The following TSPAN9 variants were observed in gnomAD, a reference collection of about 807,000 sequenced individuals.
TSPAN9 encodes tetraspanin-9.
A neutral mutation model predicts 31.0 loss-of-function variants in TSPAN9; 16 were observed. The ratio of observed to expected loss-of-function variants is 0.52; its 90% CI spans 0.35 to 0.78. The LOEUF is 0.78. TSPAN9 is among the 30% of genes least tolerant of loss of function. The pLI, the probability that TSPAN9 is intolerant of heterozygous loss-of-function variation, is 0.01. For missense variants in TSPAN9, 272 were observed against 312.5 expected (o/e 0.87, Z 0.98); for synonymous variants, 145 against 121.6 (o/e 1.19, Z -1.27).
chr12:3,284,146 A>T lies in TSPAN9; in HGVS notation c.*1030A>T, dbSNP rs1178538707. The stretch of plus-strand genomic sequence containing the variant: ...CACGCGAGGCTTCCCCTTCCACCCC[A>T]TGTGGGTATTCCCACAACAGGTTCT... On this transcript the variant is annotated 3_prime_UTR_variant, in exon 9 of 9. Coordinates refer to ENST00000011898, the MANE Select transcript of TSPAN9 (RefSeq NM_006675.5). 6.5e-6 allele frequency: 1 copy of T among 152,684 alleles called. No homozygotes were observed. Among genetic ancestry groups the T allele is most frequent in the Admixed American group, 6.5e-5 (1 of 15,288 alleles). The allele number at this position is 152,684 out of a possible 1,614,324, so 9.5% of individuals were successfully genotyped here.
chr12:3,093,645 G>A (rs943580085), intron 2 of TSPAN9, among the ~76,000 whole-genome samples: 5 of 152,166 alleles, frequency 3.3e-5, no homozygotes, highest in African/African-American at 9.7e-5. Flanking sequence ...GTTGATGGGA[G>A]ATAGGAAGGG....
At chr12:3,142,781 A>G (rs1355132570) in intron 2 of TSPAN9, among the ~76,000 whole-genome samples, 1 of 152,144 alleles carries the variant, frequency 6.6e-6, no homozygotes, top group African/African-American at 2.4e-5. Flanking sequence ...CATCCTACAT[A>G]ATCATAGGAC....
intron 2 of TSPAN9, chr12:3,084,115 C>T (rs895479095): frequency 1.3e-5 from 2 of 152,242 alleles, no homozygotes; most frequent in Admixed American, 6.5e-5. Context: ...ATGCAGGAGT[C>T]CTGGCCAGTC....
chr12:3,211,202 A>G (rs1304453624), intron 3 of TSPAN9, among the ~76,000 whole-genome samples: 2 of 152,284 alleles, frequency 1.3e-5, no homozygotes, highest in Non-Finnish European at 2.9e-5. Flanking sequence ...TTTGGAATTT[A>G]TATTTGTATA....
At chr12:3,165,470 G>A (rs2098347797) in intron 2 of TSPAN9, among the ~76,000 whole-genome samples, 1 of 152,190 alleles carries the variant, frequency 6.6e-6, no homozygotes, top group African/African-American at 2.4e-5. Flanking sequence ...CACTTCCTTT[G>A]AGACATACCC....
chr12:3,125,374 A>G (rs2098326889), intron 2 of TSPAN9, among the ~76,000 whole-genome samples: 1 of 152,192 alleles, frequency 6.6e-6, no homozygotes, highest in Non-Finnish European at 1.5e-5. Context: ...TTTCCAGAAC[A>G]GGGCTTTAAG....
At position 3,278,412 on chromosome 12, in the gene TSPAN9, C is replaced by G. The variant is rs1310825616; in HGVS notation, c.64-9C>G. On this transcript the variant is annotated splice_polypyrimidine_tract_variant and intron_variant, in intron 3 of 8. Coordinates refer to ENST00000011898, the MANE Select transcript of TSPAN9 (RefSeq NM_006675.5). ...AGCGCCAGGCTAATGGGCTTTCCTTCCTTTCCAGCTCTGTGGCTGTGGGCT... is the reference window on the plus strand; with the variant it reads ...AGCGCCAGGCTAATGGGCTTTCCTTGCTTTCCAGCTCTGTGGCTGTGGGCT... The G allele has an allele frequency of 1.1e-5, 18 of 1,613,908 alleles. No individual in the cohort carries two copies. The highest frequency in any genetic ancestry group is 1.4e-5 in the Non-Finnish European group (17 of 1,179,856).
chr12:3,278,697 A>G, intron 4 of TSPAN9, 85 bp downstream of exon 4: 1 of 1,532,294 alleles, frequency 6.5e-7, no homozygotes, highest in Non-Finnish European at 8.8e-7. Context: ...CTGGAATATT[A>G]GCCACCTGGG....
intron 2 of TSPAN9, among the ~76,000 whole-genome samples, chr12:3,125,866 T>C (rs2098327150): frequency 6.6e-6 from 1 of 152,188 alleles, no homozygotes; most frequent in Admixed American, 6.5e-5. Flanking sequence ...ACAGCCTTTT[T>C]GTTTGTGTTT....
At position 3,281,804 on chromosome 12, in the gene TSPAN9, T is replaced by A; in HGVS notation, c.635T>A (p.Ile212Asn). Reference protein sequence around the residue: ...KHVLGTVGMCILIMQILGMAF... With the variant: ...KHVLGTVGMCNLIMQILGMAF... ...GTGCTGGGCACGGTGGGGATGTGCA[T>A]CCTCATCATGCAGGTAAGAGGGGCG... Residue 212 changes from isoleucine (I) to asparagine (N), a missense_variant, in exon 8 of 9, where the codon ATC becomes AAC. By Grantham distance (149) the Ile-to-Asn change is moderately radical. Transcript: ENST00000011898. 6.2e-7 allele frequency: 1 copy of A among 1,614,052 alleles called. No homozygotes were observed. Among genetic ancestry groups the A allele is most frequent in the Non-Finnish European group, 8.5e-7 (1 of 1,179,990 alleles).
intron 2 of TSPAN9, among the ~76,000 whole-genome samples, chr12:3,096,706 T>G (rs1401303554): frequency 1.3e-5 from 2 of 151,824 alleles, no homozygotes; most frequent in Non-Finnish European, 2.9e-5. Flanking sequence ...TTTCTTTTTT[T>G]TTTTATTTTG....
At chr12:3,213,413 GC>G (rs2098379774) in intron 3 of TSPAN9, among the ~76,000 whole-genome samples, 1 of 142,442 alleles carries the variant, frequency 7.0e-6, no homozygotes, top group Non-Finnish European at 1.5e-5. Flanking sequence ...AGGCCGATAA[GC>G]CTGGGCTCTG....
intron 2 of TSPAN9, among the ~76,000 whole-genome samples, chr12:3,112,973 A>G (rs2098319949): frequency 6.6e-6 from 1 of 152,138 alleles, no homozygotes. Context: ...GGAATACACC[A>G]TTGTGCCCAG....
chr12:3,191,201 G>C (rs2098364209), intron 2 of TSPAN9, among the ~76,000 whole-genome samples: 1 of 152,118 alleles, frequency 6.6e-6, no homozygotes, highest in Non-Finnish European at 1.5e-5. Context: ...ATAGGAGAGG[G>C]AGTTGCTGAG....
intron 2 of TSPAN9, among the ~76,000 whole-genome samples, chr12:3,114,901 C>A: frequency 6.7e-6 from 1 of 149,764 alleles, no homozygotes; most frequent in African/African-American, 2.5e-5. Context: ...AGAAGGCCAA[C>A]AGGTTTGTTT....
At chr12:3,206,034 G>GA (rs1416148710) in intron 3 of TSPAN9, among the ~76,000 whole-genome samples, 1 of 152,210 alleles carries the variant, frequency 6.6e-6, no homozygotes, top group African/African-American at 2.4e-5. Context: ...AGTCCCAGTT[G>GA]AAAAAGGGTA....
intron 2 of TSPAN9, among the ~76,000 whole-genome samples, chr12:3,178,323 T>G (rs1320156665): frequency 1.3e-5 from 2 of 151,278 alleles, no homozygotes; most frequent in Non-Finnish European, 2.9e-5. Context: ...GTTGTTTCGC[T>G]CTTGTTGCCC....
intron 2 of TSPAN9, among the ~76,000 whole-genome samples, chr12:3,101,209 C>A (rs1256154321): frequency 6.6e-6 from 1 of 152,120 alleles, no homozygotes; most frequent in Non-Finnish European, 1.5e-5. Context: ...AGTTTTCCAA[C>A]ATGTGTAGGA....
chr12:3,265,809 G>A (rs1315428127), intron 3 of TSPAN9, among the ~76,000 whole-genome samples: 2 of 152,222 alleles, frequency 1.3e-5, no homozygotes, highest in Non-Finnish European at 2.9e-5. Flanking sequence ...GGCAGGTAGA[G>A]GTTATAATCA....
Sources: gnomAD v4.1 joint callset for allele counts (sites outside exome capture counted in the v4.1 genomes callset) on GRCh38, gnomAD v4.1.1 for gene constraint, MANE v1.5 for transcripts, NCBI Gene and HGNC (gene_info 2026-07-23, HGNC 2026-07-21) for gene names.